Variants in TSPAN9 observed in about 807,000 individuals in gnomAD.
TSPAN9 encodes the protein tetraspanin-9.
Under a neutral mutation model 31.0 loss-of-function variants are expected in TSPAN9, and 16 were observed. The ratio of observed to expected loss-of-function variants is 0.52; its 90% confidence interval spans 0.35 to 0.78. The LOEUF (loss-of-function observed/expected upper bound fraction) is 0.78, where lower values mean the gene tolerates loss of function less well. TSPAN9 is among the 30% of genes least tolerant of loss of function. TSPAN9 has a pLI of 0.01. For missense variants in TSPAN9, 272 were observed against 312.5 expected, an observed-to-expected ratio of 0.87 and a Z score of 0.98; for synonymous variants, 145 against 121.6, an observed-to-expected ratio of 1.19 and a Z score of -1.27.
intron 8 of TSPAN9, among the ~76,000 whole-genome samples, chr12:3,282,829 C>A (rs1862923579): frequency 6.6e-6 from 1 of 152,262 alleles, no homozygotes; most frequent in African/African-American, 2.4e-5. Context: ...GGTCTAACAG[C>A]CCCACGAGGC....
At chr12:3,092,193 C>T (rs191124644) in intron 2 of TSPAN9, among the ~76,000 whole-genome samples, 251 of 152,282 alleles carry the variant, frequency 1.6e-3, no homozygotes, top group African/African-American at 5.5e-3. Flanking sequence ...TCCCCAGAAG[C>T]GGAGACCTGC....
intron 2 of TSPAN9, among the ~76,000 whole-genome samples, chr12:3,127,282 G>A (rs1339689732): frequency 1.3e-5 from 2 of 151,944 alleles, no homozygotes; most frequent in South Asian, 2.1e-4. Context: ...CGGAGCTGTC[G>A]TCTCCTGTGA....
intron 3 of TSPAN9, among the ~76,000 whole-genome samples, chr12:3,258,026 G>A (rs928124040): frequency 6.6e-6 from 1 of 152,152 alleles, no homozygotes; most frequent in Non-Finnish European, 1.5e-5. Context: ...GGGCTCCCTG[G>A]GAGATAAACC....
intron 3 of TSPAN9, among the ~76,000 whole-genome samples, chr12:3,240,095 A>G (rs2098395809): frequency 6.6e-6 from 1 of 152,060 alleles, no homozygotes; most frequent in African/African-American, 2.4e-5. Context: ...CATAATGTAG[A>G]GAACCCTTGC....
intron 3 of TSPAN9, among the ~76,000 whole-genome samples, chr12:3,224,343 G>C (rs990455343): frequency 6.6e-6 from 1 of 152,226 alleles, no homozygotes; most frequent in African/African-American, 2.4e-5. Flanking sequence ...GCGCCCTCAC[G>C]GGCTGGTGAA....
chr12:3,129,976 G>C (rs2098329060), intron 2 of TSPAN9, among the ~76,000 whole-genome samples: 1 of 152,182 alleles, frequency 6.6e-6, no homozygotes. Context: ...CCAGGCCCCT[G>C]GGTCTTCTTT....
intron 2 of TSPAN9, among the ~76,000 whole-genome samples, chr12:3,169,475 A>G (rs1441896467): frequency 6.6e-6 from 1 of 152,212 alleles, no homozygotes; most frequent in Non-Finnish European, 1.5e-5. Flanking sequence ...TCCACCTGTC[A>G]AATGGGCAAC....
chr12:3,245,095 C>T (rs552335542), intron 3 of TSPAN9, among the ~76,000 whole-genome samples: 21 of 152,322 alleles, frequency 1.4e-4, no homozygotes, highest in South Asian at 4.1e-4. Context: ...TCCCCAGGTA[C>T]AGCCACACTC....
intron 2 of TSPAN9, among the ~76,000 whole-genome samples, chr12:3,162,429 T>A (rs2153969550): frequency 6.6e-6 from 1 of 152,244 alleles, no homozygotes; most frequent in South Asian, 2.1e-4. Flanking sequence ...GGATGTGGGC[T>A]TACATCATAG....
At chr12:3,189,335 C>CA (rs1431804807) in intron 2 of TSPAN9, among the ~76,000 whole-genome samples, 1 of 152,194 alleles carries the variant, frequency 6.6e-6, no homozygotes, top group Non-Finnish European at 1.5e-5. Context: ...AGAAGGCTGA[C>CA]AGAGTACCAT....
chr12:3,160,267 A>C (rs1351430658), intron 2 of TSPAN9, among the ~76,000 whole-genome samples: 1 of 152,252 alleles, frequency 6.6e-6, no homozygotes, highest in African/African-American at 2.4e-5. Flanking sequence ...GTTGTAGCAT[A>C]TGCCAGTACT....
At chr12:3,115,096 C>CT (rs2098321543) in intron 2 of TSPAN9, among the ~76,000 whole-genome samples, 1 of 151,432 alleles carries the variant, frequency 6.6e-6, no homozygotes, top group African/African-American at 2.4e-5. Flanking sequence ...GTTTTTCTCC[C>CT]TGTCTGAGTC....
chr12:3,140,143 C>G (rs564326690), intron 2 of TSPAN9, among the ~76,000 whole-genome samples: 2 of 8,978 alleles, frequency 2.2e-4, no homozygotes, highest in African/African-American at 1.5e-4. Flanking sequence ...GAGTGTGGCC[C>G]GTGGACCTGG....
intron 2 of TSPAN9, among the ~76,000 whole-genome samples, chr12:3,179,538 T>C (rs181396507): frequency 1.4e-3 from 210 of 152,314 alleles, no homozygotes; most frequent in Non-Finnish European, 2.0e-3. Context: ...GTGTCTACTC[T>C]AGACATGTGA....
intron 3 of TSPAN9, among the ~76,000 whole-genome samples, chr12:3,272,676 C>T (rs1380491277): frequency 6.6e-6 from 1 of 152,018 alleles, no homozygotes; most frequent in Non-Finnish European, 1.5e-5. Context: ...AGGGGCCGCT[C>T]CCACCAGTGG....
intron 4 of TSPAN9, 31 bp from the exon 5 acceptor site, chr12:3,278,961 A>G (rs765836568): frequency 6.2e-7 from 1 of 1,610,512 alleles, no homozygotes; most frequent in South Asian, 1.1e-5. Context: ...GCCCATTACC[A>G]CCTACCCATG....
chr12:3,131,934 C>G (rs190423746), intron 2 of TSPAN9, among the ~76,000 whole-genome samples: 2 of 152,174 alleles, frequency 1.3e-5, no homozygotes, highest in African/African-American at 4.8e-5. Context: ...TGTGACCCCC[C>G]AGGCCTCTCA....
chr12:3,206,689 G>A (rs186683082), intron 3 of TSPAN9, among the ~76,000 whole-genome samples: 3 of 152,046 alleles, frequency 2.0e-5, no homozygotes, highest in Admixed American at 6.5e-5. Context: ...TCTGTGGCTA[G>A]TTGAGCACCT....
Position 3,278,431 on chromosome 12 carries a change from G to A in TSPAN9, c.74G>A (p.Cys25Tyr). The change falls in exon 4 of 9, where the codon TGT (cysteine) becomes TAT (tyrosine). Residue 25 changes from cysteine to tyrosine, a missense_variant. By Grantham distance (194) the Cys-to-Tyr change is radical (BLOSUM62 -2). Transcript: ENST00000011898. The stretch of plus-strand genomic sequence containing the variant: ...TTCCTTCCTTTCCAGCTCTGTGGCT[G>A]TGGGCTGCTGGGAGTGGGCATCTGG... Reference protein sequence around the residue: ...LFNLIFWLCGCGLLGVGIWLS... With the variant: ...LFNLIFWLCGYGLLGVGIWLS... 6.2e-7 allele frequency: 1 copy of A among 1,614,172 alleles called. No homozygotes were observed. The highest frequency in any genetic ancestry group is 2.2e-5 in the East Asian group (1 of 44,886).
Sources: allele counts gnomAD v4.1 joint callset (sites outside exome capture counted in the v4.1 genomes callset), GRCh38; gene constraint gnomAD v4.1.1; transcripts MANE v1.5; gene names NCBI Gene and HGNC (gene_info 2026-07-23, HGNC 2026-07-21).